STAB2: variants seen among roughly 807,000 people sequenced by gnomAD.
The protein encoded by STAB2 is stabilin-2.
Under a neutral mutation model 338.1 loss-of-function variants are expected in STAB2, and 288 were observed. The observed-to-expected ratio is 0.85, with a 90% CI of 0.77 to 0.94. The LOEUF is 0.94. Ranked by LOEUF, STAB2 falls within the 40% of genes least tolerant of loss-of-function variation. STAB2 has a pLI of 0.00. For missense variants in STAB2, 3,141 were observed against 3,210.1 expected, an observed-to-expected ratio of 0.98 and a Z score of 0.52; for synonymous variants, 1,202 against 1,193.3, an observed-to-expected ratio of 1.01 and a Z score of -0.15.
intron 19 of STAB2, 65 bp from the exon 20 acceptor site, chr12:103,668,578 G>A: frequency 7.3e-7 from 1 of 1,375,332 alleles, no homozygotes; most frequent in Non-Finnish European, 1.0e-6. Context: ...TCTGCAGAGG[G>A]TGTGCAGTGC....
At chr12:103,673,785 T>C in intron 22 of STAB2, 122 bp from the exon 23 acceptor site, 1 of 1,073,170 alleles carries the variant, frequency 9.3e-7, no homozygotes, top group Non-Finnish European at 1.3e-6. Context: ...CAGCCCCGAT[T>C]CTGCTTTGAC....
chr12:103,632,403 G>T (rs185021447), intron 6 of STAB2, among the ~76,000 whole-genome samples: 20 of 152,330 alleles, frequency 1.3e-4, no homozygotes, highest in Non-Finnish European at 2.8e-4. Flanking sequence ...AACCTTGTTG[G>T]AGAGGGTGTG....
At chr12:103,731,554 C>G in intron 49 of STAB2, 22 bp from the exon 50 acceptor site, 1 of 1,611,560 alleles carries the variant, frequency 6.2e-7, no homozygotes, top group Non-Finnish European at 8.5e-7. Flanking sequence ...AAGTTTCATG[C>G]CCATTCTTAT....
At position 103,638,135 on chromosome 12, in the gene STAB2, C is replaced by A; in HGVS notation, c.829C>A (p.Pro277Thr). 1 of 1,614,176 alleles carries A rather than the reference C, an allele frequency of 6.2e-7. No homozygotes were observed. The highest frequency in any genetic ancestry group is 8.5e-7 in the Non-Finnish European group (1 of 1,180,042). The change falls in exon 8 of 69, where the codon CCT becomes ACT. Residue 277 changes from proline to threonine, a missense_variant. Physicochemically the swap from Pro to Thr is conservative, Grantham distance 38 (BLOSUM62 -1). Coordinates refer to ENST00000388887, the MANE Select transcript of STAB2 (RefSeq NM_017564.10). The stretch of plus-strand genomic sequence containing the variant: ...CCGTGGGGATGGCCAAGTGTGCTTG[C>A]CTGTGGACCCCTGCCAAATTAACTT... ...GYRGDGQVCL[P>T]VDPCQINFGN...
In STAB2 at chr12:103,682,279, C is replaced by T. The variant is rs559128256; in HGVS notation, c.2806-926C>T. 1.0e-3 allele frequency among the ~76,000 whole-genome samples: 159 copies of T among 151,872 alleles called. 1 individual carries two copies. Among genetic ancestry groups the T allele is most frequent in the African/African-American group, 3.3e-3 (136 of 41,186 alleles). On this transcript the variant is annotated intron_variant, in intron 25 of 68. Coordinates refer to ENST00000388887, the MANE Select transcript of STAB2 (RefSeq NM_017564.10). ...GATTGAGTGTGTCCACATCCATCCTCGTTTTCTGATGCTCCCATCAGCCCT... is the reference window on the plus strand; with the variant it reads ...GATTGAGTGTGTCCACATCCATCCTTGTTTTCTGATGCTCCCATCAGCCCT...
Position 103,689,920 on chromosome 12 carries a change from G to A in STAB2, c.3120G>A (p.Glu1040=). ...TVLVPSQQAT[E]DMDQDEKSFW... Reference sequence around the variant, plus strand: ...TCGTGCCTTCCCAACAAGCTACTGAGGACATGGACCAGGATGAGAAAAGCT... The same window carrying A: ...TCGTGCCTTCCCAACAAGCTACTGAAGACATGGACCAGGATGAGAAAAGCT... Residue 1040 remains glutamate (E), a synonymous_variant, in exon 29 of 69, where the codon GAG becomes GAA. Coordinates refer to ENST00000388887, the MANE Select transcript of STAB2 (RefSeq NM_017564.10). 1.9e-6 allele frequency: 3 copies of A among 1,614,152 alleles called. No homozygotes were observed. The highest frequency in any genetic ancestry group is 2.5e-6 in the Non-Finnish European group (3 of 1,180,008).
At chr12:103,763,215 C>G (rs1884672536) in intron 67 of STAB2, 1 of 346,092 alleles carries the variant, frequency 2.9e-6, no homozygotes, top group African/African-American at 2.1e-5. Flanking sequence ...GTGGCAGGCA[C>G]CAGCAGGCTA....
At chr12:103,718,694 T>G (rs143840835) in intron 44 of STAB2, among the ~76,000 whole-genome samples, 4 of 152,320 alleles carry the variant, frequency 2.6e-5, no homozygotes, top group East Asian at 3.9e-4. Flanking sequence ...TGTCCAGACA[T>G]AGAGAGTTTT....
intron 58 of STAB2, among the ~76,000 whole-genome samples, chr12:103,748,584 CCACACACACACACACACACATACACACA>C (rs776265431): frequency 0.053 from 7,470 of 141,816 alleles, 282 homozygotes; most frequent in Non-Finnish European, 0.076. Context: ...TAACTCTACA[CCACACACACACACACACACATACACACA>C]CACACACACA....
In STAB2 at chr12:103,660,341, A is replaced by G; in HGVS notation, c.1745A>G (p.Lys582Arg). 1 of 1,614,128 alleles carries G rather than the reference A, an allele frequency of 6.2e-7. No individual in the cohort carries two copies. The change falls in exon 16 of 69, where the codon AAG (lysine) becomes AGG (arginine). Residue 582 changes from lysine (K) to arginine (R), a missense_variant. Coordinates refer to ENST00000388887, the MANE Select transcript of STAB2 (RefSeq NM_017564.10). Reference protein sequence around the residue: ...DYLLSPEGSRKLLELVRYHIV... With the variant: ...DYLLSPEGSRRLLELVRYHIV... Reference sequence around the variant, plus strand: ...TTGGTTCCTTTGCAGGGATCTCGGAAGCTTCTGGAACTCGTCAGATACCAC... The same window carrying G: ...TTGGTTCCTTTGCAGGGATCTCGGAGGCTTCTGGAACTCGTCAGATACCAC...
At chr12:103,705,097 C>A (rs1219341085) in intron 36 of STAB2, 1 of 156,514 alleles carries the variant, frequency 6.4e-6, no homozygotes, top group Non-Finnish European at 1.4e-5. Flanking sequence ...GATTACATTA[C>A]AAAGAATACT....
In STAB2 at chr12:103,638,064, C is replaced by T. The variant is rs74580351; in HGVS notation, c.758C>T (p.Thr253Met). Residue 253 changes from threonine (T) to methionine (M), a missense_variant, in exon 8 of 69, where the codon ACG becomes ATG. Thr to Met is a moderately conservative substitution (Grantham distance 81, BLOSUM62 -1). Coordinates refer to ENST00000388887, the MANE Select transcript of STAB2 (RefSeq NM_017564.10). The stretch of plus-strand genomic sequence containing the variant: ...ATCTGCCACCCTCATGCTCATTGTA[C>T]GTACCTGGGACCAAATCGGCACAGT... Reference protein sequence around the residue: ...RKICHPHAHCTYLGPNRHSCT... With the variant: ...RKICHPHAHCMYLGPNRHSCT... 3.6e-4 allele frequency: 587 copies of T among 1,614,172 alleles called. 3 individuals are homozygous for T. The African/African-American group carries it at 6.9e-3, about 19-fold the overall frequency.
intron 3 of STAB2, among the ~76,000 whole-genome samples, chr12:103,607,312 A>G (rs893679136): frequency 4.0e-5 from 6 of 148,762 alleles, no homozygotes; most frequent in Non-Finnish European, 7.5e-5. Flanking sequence ...TTGTCCCACA[A>G]CTCACTGATG....
chr12:103,633,799 TG>T (rs749020866), intron 6 of STAB2, among the ~76,000 whole-genome samples: 7 of 152,234 alleles, frequency 4.6e-5, no homozygotes, highest in Non-Finnish European at 7.3e-5. Flanking sequence ...TATTTTCATT[TG>T]TTTTTTTATT....
Position 103,709,188 on chromosome 12 carries a change from G to A in STAB2, c.4288+652G>A, listed in dbSNP as rs368971796. 3.3e-5 allele frequency among the ~76,000 whole-genome samples: 5 copies of A among 152,200 alleles called. 1 individual carries two copies. The highest frequency in any genetic ancestry group is 4.2e-4 in the South Asian group (2 of 4,814). On this transcript the variant is annotated intron_variant, in intron 39 of 68. Coordinates refer to ENST00000388887, the MANE Select transcript of STAB2 (RefSeq NM_017564.10). ...TTCTTAATGTGCTTCAGGTGAGGGC[G>A]GTCAAAGAGAAGGGAATTTCAGGCA...
intron 57 of STAB2, chr12:103,746,314 GT>G: frequency 3.9e-6 from 1 of 258,806 alleles, no homozygotes; most frequent in Admixed American, 4.9e-5. Flanking sequence ...CTGCTAATAA[GT>G]TTTGTGGTAT....
intron 2 of STAB2, among the ~76,000 whole-genome samples, chr12:103,592,925 T>C (rs1956821762): frequency 6.6e-6 from 1 of 152,212 alleles, no homozygotes; most frequent in South Asian, 2.1e-4. Context: ...GTATCTGTTC[T>C]TCTGTGTCTA....
At chr12:103,618,679 G>A (rs1290059010) in intron 3 of STAB2, among the ~76,000 whole-genome samples, 1 of 152,146 alleles carries the variant, frequency 6.6e-6, no homozygotes, top group Non-Finnish European at 1.5e-5. Context: ...TGCCAGCTGG[G>A]TGACTTTGGC....
intron 68 of STAB2, among the ~76,000 whole-genome samples, chr12:103,764,166 T>G (rs145988279): frequency 1.3e-5 from 2 of 152,118 alleles, no homozygotes; most frequent in African/African-American, 4.8e-5. Flanking sequence ...TTGGTCAGGC[T>G]GGTCTCGAAC....
Sources: allele counts gnomAD v4.1 joint callset (sites outside exome capture counted in the v4.1 genomes callset), GRCh38; gene constraint gnomAD v4.1.1; transcripts MANE v1.5; gene names NCBI Gene and HGNC (gene_info 2026-07-23, HGNC 2026-07-21).